C10orf90: variants seen among roughly 807,000 people sequenced by gnomAD.
The protein encoded by C10orf90 is chromosome 10 open reading frame 90.
A neutral mutation model predicts 62.5 loss-of-function variants in C10orf90; 56 were observed. That is an observed-to-expected ratio of 0.90 (90% CI 0.72 to 1.12). C10orf90 has a LOEUF of 1.12. Among genes scored for constraint, C10orf90 ranks in the 50% most tolerant of loss-of-function variants. C10orf90 has a pLI of 0.00. For missense variants in C10orf90, 970 were observed against 880.4 expected, an observed-to-expected ratio of 1.10 and a Z score of -1.29; for synonymous variants, 386 against 340.4, an observed-to-expected ratio of 1.13 and a Z score of -1.47.
chr10:126,484,338 CTAT>C (rs1861317278), intron 4 of C10orf90, among the ~76,000 whole-genome samples: 1 of 152,050 alleles, frequency 6.6e-6, no homozygotes, highest in Non-Finnish European at 1.5e-5. Context: ...TTAGGGGTCC[CTAT>C]ACACCGACTC....
chr10:126,547,425 A>AT (rs1358878283), intron 2 of C10orf90, among the ~76,000 whole-genome samples: 1 of 151,394 alleles, frequency 6.6e-6, no homozygotes, highest in African/African-American at 2.4e-5. Context: ...AAAAAAAAAA[A>AT]AAATAAAATA....
chr10:126,435,473 T>C (rs912025871), intron 7 of C10orf90, among the ~76,000 whole-genome samples: 1 of 152,002 alleles, frequency 6.6e-6, no homozygotes, highest in East Asian at 1.9e-4. Flanking sequence ...TTGGAGCTAC[T>C]GGATGGATTT....
chr10:126,592,976 C>T (rs1845011044), intron 2 of C10orf90, among the ~76,000 whole-genome samples: 1 of 152,122 alleles, frequency 6.6e-6, no homozygotes, highest in Admixed American at 6.5e-5. Context: ...CACGTCAAGA[C>T]CACAATAAGA....
At chr10:126,464,086 G>A (rs1399100112) in intron 5 of C10orf90, among the ~76,000 whole-genome samples, 9 of 152,140 alleles carry the variant, frequency 5.9e-5, no homozygotes, top group East Asian at 1.9e-4. Flanking sequence ...ACCACAGGAC[G>A]TTTTTCCAAT....
chr10:126,491,426 A>G (rs1052909552), intron 4 of C10orf90, among the ~76,000 whole-genome samples: 1 of 152,230 alleles, frequency 6.6e-6, no homozygotes, highest in Non-Finnish European at 1.5e-5. Flanking sequence ...ACTTTAATAT[A>G]AGTATATTAT....
chr10:126,455,304 C>T (rs150332852), intron 7 of C10orf90, among the ~76,000 whole-genome samples: 77 of 152,332 alleles, frequency 5.1e-4, no homozygotes, highest in African/African-American at 1.6e-3. Flanking sequence ...TTCTTCACTG[C>T]GTGTTCCCTT....
At chr10:126,449,211 T>G (rs2134061099) in intron 7 of C10orf90, among the ~76,000 whole-genome samples, 1 of 152,318 alleles carries the variant, frequency 6.6e-6, no homozygotes, top group African/African-American at 2.4e-5. Flanking sequence ...GATTTATGCC[T>G]GGGATGCAAT....
chr10:126,549,045 C>G (rs1864569577), intron 2 of C10orf90, among the ~76,000 whole-genome samples: 1 of 152,036 alleles, frequency 6.6e-6, no homozygotes, highest in African/African-American at 2.4e-5. Context: ...GAATGTAAAA[C>G]TATAAATATT....
intron 2 of C10orf90, among the ~76,000 whole-genome samples, chr10:126,624,351 A>G (rs1184194230): frequency 3.9e-5 from 6 of 152,298 alleles, no homozygotes; most frequent in Non-Finnish European, 8.8e-5. Context: ...ATCTAAAAAA[A>G]AAAGAGAGAG....
intron 7 of C10orf90, among the ~76,000 whole-genome samples, chr10:126,448,570 T>C (rs1858955044): frequency 6.6e-6 from 1 of 151,964 alleles, no homozygotes; most frequent in African/African-American, 2.4e-5. Flanking sequence ...AAAGAGAGAC[T>C]AGACAAGTAA....
chr10:126,490,435 T>C (rs1158123597), intron 4 of C10orf90, among the ~76,000 whole-genome samples: 2 of 151,698 alleles, frequency 1.3e-5, no homozygotes, highest in Non-Finnish European at 2.9e-5. Flanking sequence ...AGTTAGTGTT[T>C]AATGGGGAGT....
At chr10:126,455,539 T>A (rs1048742452) in intron 7 of C10orf90, among the ~76,000 whole-genome samples, 1 of 152,182 alleles carries the variant, frequency 6.6e-6, no homozygotes, top group Non-Finnish European at 1.5e-5. Flanking sequence ...TCAAACAAGG[T>A]ACGCTGAAGA....
chr10:126,565,347 A>AT (rs1844346869), intron 2 of C10orf90, among the ~76,000 whole-genome samples: 1 of 66,152 alleles, frequency 1.5e-5, no homozygotes, highest in South Asian at 3.4e-4. Context: ...TATATAATAT[A>AT]TAATATATAA....
intron 2 of C10orf90, among the ~76,000 whole-genome samples, chr10:126,560,621 A>G (rs1371544065): frequency 1.3e-5 from 2 of 152,208 alleles, no homozygotes; most frequent in African/African-American, 2.4e-5. Flanking sequence ...TAGTGACGGC[A>G]GAGGAACCAA....
At chr10:126,439,526 GA>G (rs1464462017) in intron 7 of C10orf90, among the ~76,000 whole-genome samples, 1 of 152,044 alleles carries the variant, frequency 6.6e-6, no homozygotes, top group Non-Finnish European at 1.5e-5. Flanking sequence ...TTGTTTTAAG[GA>G]AGCTGATCCA....
At chr10:126,664,930 G>C (rs531794799) in intron 1 of C10orf90, among the ~76,000 whole-genome samples, 60 of 152,332 alleles carry the variant, frequency 3.9e-4, no homozygotes, top group African/African-American at 1.3e-3. Context: ...GGGCAGCATT[G>C]AGACCCAAGT....
At chr10:126,594,301 A>C (rs1191666130) in intron 2 of C10orf90, among the ~76,000 whole-genome samples, 1 of 152,124 alleles carries the variant, frequency 6.6e-6, no homozygotes, top group African/African-American at 2.4e-5. Flanking sequence ...GTGTGTGTCC[A>C]TACATGATTG....
At chr10:126,651,053 A>G (rs180812402) in intron 1 of C10orf90, among the ~76,000 whole-genome samples, 1 of 152,374 alleles carries the variant, frequency 6.6e-6, no homozygotes, top group Admixed American at 6.5e-5. Flanking sequence ...TTGACTAAAC[A>G]TTGTAGGTGT....
At chr10:126,507,633 G>A (rs1425856454) in intron 3 of C10orf90, among the ~76,000 whole-genome samples, 2 of 152,058 alleles carry the variant, frequency 1.3e-5, no homozygotes, top group Non-Finnish European at 2.9e-5. Flanking sequence ...TAATGCTGCT[G>A]GAAGTCCTGC....
Sources: allele counts gnomAD v4.1 joint callset (sites outside exome capture counted in the v4.1 genomes callset), GRCh38; gene constraint gnomAD v4.1.1; transcripts MANE v1.5; gene names NCBI Gene and HGNC (gene_info 2026-07-23, HGNC 2026-07-21).